PCDHA2: variants seen among roughly 807,000 people sequenced by gnomAD.
PCDHA2 encodes the protein protocadherin alpha-2.
PCDHA2 carries 58 observed loss-of-function variants against 66.0 expected under a neutral mutation model. The ratio of observed to expected loss-of-function variants is 0.88; its 90% CI spans 0.71 to 1.09. PCDHA2 has a LOEUF of 1.09. PCDHA2 is among the 50% of genes least tolerant of loss of function. PCDHA2 has a pLI of 0.00. For missense variants in PCDHA2, 1,267 were observed against 1,242.3 expected (o/e 1.02, Z -0.30); for synonymous variants, 634 against 554.0 (o/e 1.14, Z -2.03).
intron 1 of PCDHA2, among the ~76,000 whole-genome samples, chr5:140,937,898 T>C (rs11950543): frequency 0.02 from 2,906 of 145,270 alleles, 39 homozygotes; most frequent in East Asian, 0.058. Flanking sequence ...GGCGACAGAG[T>C]GAGACTCCGT....
intron 1 of PCDHA2, chr5:140,822,786 G>C (rs1480573105): frequency 6.2e-7 from 1 of 1,613,980 alleles, no homozygotes; most frequent in African/African-American, 1.3e-5. Context: ...AAGTAGTAGT[G>C]AAACTCCTGG....
chr5:140,848,400 G>T, intron 1 of PCDHA2: 1 of 1,298,514 alleles, frequency 7.7e-7, no homozygotes. Context: ...TGTGCTGAAC[G>T]ATGGCGAACA....
chr5:140,882,656 C>G, intron 1 of PCDHA2: 2 of 1,614,192 alleles, frequency 1.2e-6, no homozygotes, highest in Middle Eastern at 1.6e-4. Flanking sequence ...TAACGACAAC[C>G]CGCCCATATT....
intron 1 of PCDHA2, chr5:140,968,366 G>A (rs145153557): frequency 7.4e-6 from 12 of 1,614,078 alleles, no homozygotes; most frequent in Non-Finnish European, 1.0e-5. Flanking sequence ...CCTTTATGCT[G>A]TCAACTCCTT....
chr5:140,802,697 G>T, intron 1 of PCDHA2: 1 of 1,612,720 alleles, frequency 6.2e-7, no homozygotes, highest in South Asian at 1.1e-5. Flanking sequence ...GGCGGGTGGG[G>T]GAGCGCGCGC....
intron 1 of PCDHA2, among the ~76,000 whole-genome samples, chr5:140,888,097 G>T (rs536916138): frequency 3.3e-4 from 50 of 152,066 alleles, no homozygotes; most frequent in African/African-American, 1.2e-3. Context: ...TCCTTAGTTT[G>T]CTTCTTTTAA....
intron 1 of PCDHA2, among the ~76,000 whole-genome samples, chr5:140,917,334 G>A (rs1466426021): frequency 1.4e-5 from 2 of 147,744 alleles, no homozygotes; most frequent in Admixed American, 1.4e-4. Flanking sequence ...CGGGGGAGGG[G>A]GGGGATGGTG....
At chr5:140,968,539 C>T (rs781815829) in intron 1 of PCDHA2, 30 of 1,614,078 alleles carry the variant, frequency 1.9e-5, no homozygotes, top group East Asian at 6.7e-5. Context: ...CAGCAGCCTT[C>T]GAGATGGTGC....
At chr5:140,998,853 T>G (rs575455675) in intron 3 of PCDHA2, among the ~76,000 whole-genome samples, 1 of 152,346 alleles carries the variant, frequency 6.6e-6, no homozygotes, top group South Asian at 2.1e-4. Flanking sequence ...GTGAGCCACA[T>G]GCCTGGCCTT....
chr5:140,899,267 G>C lies in PCDHA2; in HGVS notation c.2389-79682G>C, dbSNP rs1397421903. Among the ~76,000 whole-genome samples, 367 of 152,064 alleles carry C rather than the reference G, an allele frequency of 2.4e-3. 2 individuals carry two copies. The highest frequency in any genetic ancestry group is 8.5e-3 in the African/African-American group (354 of 41,454). On this transcript the variant is annotated intron_variant, in intron 1 of 3. Coordinates refer to ENST00000526136, the MANE Select transcript of PCDHA2 (RefSeq NM_018905.3). ...TGAGAGAGGGCATCCCTGTCTTGTGGCAGTTTTCAAAGGGAATACTTCCAG... is the reference window on the plus strand; with the variant it reads ...TGAGAGAGGGCATCCCTGTCTTGTGCCAGTTTTCAAAGGGAATACTTCCAG...
At chr5:140,850,761 C>A in intron 1 of PCDHA2, 1 of 1,598,004 alleles carries the variant, frequency 6.3e-7, no homozygotes, top group East Asian at 2.2e-5. Flanking sequence ...GCAGAGGAGG[C>A]AGAGGGTGTG....
intron 1 of PCDHA2, among the ~76,000 whole-genome samples, chr5:140,919,099 C>T (rs972213897): frequency 4.6e-5 from 7 of 152,126 alleles, no homozygotes; most frequent in Non-Finnish European, 7.4e-5. Context: ...CTATTTCTCC[C>T]TTCATTTCTG....
chr5:140,893,709 G>T lies in PCDHA2; in HGVS notation c.2389-85240G>T, dbSNP rs141117049. ...ATCTCATTCTATCCTAGCCTGTAAA[G>T]CTTCTGCTGAGAAATCTGCTGTTAG... is the stretch of plus-strand genomic sequence containing the variant. On this transcript the variant is annotated intron_variant, in intron 1 of 3. Transcript: ENST00000526136. 2.6e-3 allele frequency among the ~76,000 whole-genome samples: 396 copies of T among 152,250 alleles called. 2 individuals carry two copies. Among genetic ancestry groups the T allele is most frequent in the African/African-American group, 9.2e-3 (384 of 41,542 alleles).
At chr5:140,951,685 T>C (rs1305310211) in intron 1 of PCDHA2, among the ~76,000 whole-genome samples, 4 of 152,140 alleles carry the variant, frequency 2.6e-5, no homozygotes, top group African/African-American at 9.7e-5. Flanking sequence ...GGGATTACAA[T>C]GTGACATGAG....
At chr5:140,882,750 A>C (rs781948584) in intron 1 of PCDHA2, 3 of 1,614,128 alleles carry the variant, frequency 1.9e-6, no homozygotes, top group Non-Finnish European at 2.5e-6. Flanking sequence ...TCCGATGCAG[A>C]TATTGGAGTA....
At chr5:140,906,796 T>C (rs1021322398) in intron 1 of PCDHA2, among the ~76,000 whole-genome samples, 1 of 152,236 alleles carries the variant, frequency 6.6e-6, no homozygotes, top group African/African-American at 2.4e-5. Context: ...ATTCCATGCA[T>C]ACTCTTCCTT....
At chr5:140,929,972 G>A (rs2086500191) in intron 1 of PCDHA2, 1 of 152,084 alleles carries the variant, frequency 6.6e-6, no homozygotes, top group South Asian at 2.1e-4. Flanking sequence ...TTTTGGTGAA[G>A]GTGTCTTCTT....
intron 1 of PCDHA2, chr5:140,831,368 G>GTA (rs1424031923): frequency 4.0e-5 from 6 of 151,578 alleles, no homozygotes; most frequent in Admixed American, 4.0e-4. Flanking sequence ...TTGTATGTGT[G>GTA]TGTGTGTGTG....
intron 1 of PCDHA2, among the ~76,000 whole-genome samples, chr5:140,952,726 A>C (rs2094788337): frequency 6.6e-6 from 1 of 152,188 alleles, no homozygotes; most frequent in African/African-American, 2.4e-5. Context: ...TTTCTGTACT[A>C]GTCTTTTCTC....
Sources: gnomAD v4.1 joint callset for allele counts (sites outside exome capture counted in the v4.1 genomes callset) on GRCh38, gnomAD v4.1.1 for gene constraint, MANE v1.5 for transcripts, NCBI Gene and HGNC (gene_info 2026-07-23, HGNC 2026-07-21) for gene names.